Variants in CDH2 observed in about 807,000 individuals in gnomAD.
CDH2 encodes the protein cadherin-2.
Under a neutral mutation model 92.0 loss-of-function variants are expected in CDH2, and 17 were observed. The ratio of observed to expected loss-of-function variants is 0.18; its 90% CI spans 0.13 to 0.28. CDH2 has a LOEUF of 0.28. Ranked by LOEUF, CDH2 falls within the 10% of genes least tolerant of loss-of-function variation. CDH2 has a pLI of 1.00. For missense variants in CDH2, 862 were observed against 1,133.1 expected, an observed-to-expected ratio of 0.76 and a Z score of 3.44; for synonymous variants, 419 against 415.9, an observed-to-expected ratio of 1.01 and a Z score of -0.09.
At chr18:28,145,932 G>C (rs1598506769) in intron 2 of CDH2, among the ~76,000 whole-genome samples, 1 of 151,936 alleles carries the variant, frequency 6.6e-6, no homozygotes, top group African/African-American at 2.4e-5. Context: ...CTGATGGCTA[G>C]AGCACAAAGT....
At chr18:28,096,387 G>T (rs1363799461) in intron 2 of CDH2, among the ~76,000 whole-genome samples, 1 of 150,420 alleles carries the variant, frequency 6.6e-6, no homozygotes, top group Non-Finnish European at 1.5e-5. Flanking sequence ...GCCATTTTAT[G>T]GCTGCCAAGG....
chr18:27,991,028 C>T (rs2012398871), intron 9 of CDH2, among the ~76,000 whole-genome samples: 1 of 152,142 alleles, frequency 6.6e-6, no homozygotes, highest in Middle Eastern at 3.4e-3. Context: ...TGTAAAACCC[C>T]CAAATTTAAG....
intron 2 of CDH2, among the ~76,000 whole-genome samples, chr18:28,038,292 G>A (rs955020828): frequency 8.6e-5 from 13 of 152,036 alleles, no homozygotes; most frequent in South Asian, 6.2e-4. Flanking sequence ...GCATGGTGGC[G>A]CACACCTGTA....
intron 7 of CDH2, among the ~76,000 whole-genome samples, chr18:28,000,477 T>C: frequency 6.6e-6 from 1 of 152,158 alleles, no homozygotes; most frequent in East Asian, 1.9e-4. Context: ...TCCCCATTTA[T>C]GGATGCAGGA....
chr18:27,960,027 C>CAT (rs2011358575), intron 15 of CDH2, among the ~76,000 whole-genome samples: 1 of 151,188 alleles, frequency 6.6e-6, no homozygotes, highest in African/African-American at 2.4e-5. Context: ...AAAACACACA[C>CAT]ACACACACAC....
chr18:28,094,719 G>A (rs533121591), intron 2 of CDH2, among the ~76,000 whole-genome samples: 24 of 148,332 alleles, frequency 1.6e-4, no homozygotes, highest in South Asian at 1.5e-3. Context: ...GCGTGAACCC[G>A]GGAAGCGGAG....
At chr18:28,163,990 T>C (rs2016342890) in intron 1 of CDH2, among the ~76,000 whole-genome samples, 1 of 152,224 alleles carries the variant, frequency 6.6e-6, no homozygotes, top group Non-Finnish European at 1.5e-5. Context: ...TCTGTTTTCC[T>C]AACCAGGCTG....
intron 2 of CDH2, among the ~76,000 whole-genome samples, chr18:28,043,750 G>A (rs2144111750): frequency 6.6e-6 from 1 of 151,350 alleles, no homozygotes; most frequent in African/African-American, 2.4e-5. Context: ...GATTTTCTAA[G>A]GTCAAGAGTT....
chr18:28,061,800 A>T (rs2014408041), intron 2 of CDH2, among the ~76,000 whole-genome samples: 1 of 152,184 alleles, frequency 6.6e-6, no homozygotes, highest in African/African-American at 2.4e-5. Flanking sequence ...GGCAGGCAAG[A>T]TAGCATGTGC....
chr18:27,936,276 G>A (rs10469050), intron 6 of CDH2, among the ~76,000 whole-genome samples: 19,372 of 152,062 alleles, frequency 0.13, 1,556 homozygotes, highest in African/African-American at 0.23. Context: ...AAATAGACAA[G>A]CAGACATTGT....
chr18:28,062,851 G>T (rs558818017), intron 2 of CDH2, among the ~76,000 whole-genome samples: 1 of 152,064 alleles, frequency 6.6e-6, no homozygotes, highest in African/African-American at 2.4e-5. Context: ...CACATGCTTG[G>T]AGTCCCAGCT....
downstream of CDH2, among the ~76,000 whole-genome samples, chr18:27,947,867 TG>T (rs1223215503): frequency 6.6e-6 from 1 of 151,842 alleles, no homozygotes; most frequent in Non-Finnish European, 1.5e-5. Flanking sequence ...GCATTCCACA[TG>T]GTTGGGTTTA....
rs5823568 is a variant in CDH2, at chr18:27,955,761, G to GTTTTTTTTT, written c.2515-3411_2515-3403dup. 8.1e-5 allele frequency among the ~76,000 whole-genome samples: 9 copies of GTTTTTTTTT among 111,710 alleles called. 1 individual carries two copies. The highest frequency in any genetic ancestry group is 2.0e-4 in the Admixed American group (2 of 10,118). 73.3% of individuals were successfully genotyped at this position (111,710 alleles called of 152,430 possible). On this transcript the variant is annotated intron_variant, in intron 15 of 15. Coordinates refer to ENST00000269141, the MANE Select transcript of CDH2 (RefSeq NM_001792.5). ...ACAAATCTCTGTTTTCTTTATTTCT[G>GTTTTTTTTT]TTTTTTTTTTTTTTTTTTTAAAGAG...
At chr18:28,134,839 T>C (rs191207817) in intron 2 of CDH2, among the ~76,000 whole-genome samples, 1 of 151,972 alleles carries the variant, frequency 6.6e-6, no homozygotes, top group Non-Finnish European at 1.5e-5. Context: ...GATGGGAAAA[T>C]TGATGTGTAC....
chr18:27,940,574 GT>G (rs1342247559), intron 6 of CDH2, among the ~76,000 whole-genome samples: 1 of 152,144 alleles, frequency 6.6e-6, no homozygotes, highest in Non-Finnish European at 1.5e-5. Flanking sequence ...GAGGAGCCAT[GT>G]TTTTTCCACC....
At chr18:28,030,283 C>T (rs2013660106) in intron 2 of CDH2, among the ~76,000 whole-genome samples, 1 of 151,334 alleles carries the variant, frequency 6.6e-6, no homozygotes, top group Non-Finnish European at 1.5e-5. Flanking sequence ...AAAACACGCA[C>T]CTAAACAGGA....
intron 7 of CDH2, among the ~76,000 whole-genome samples, chr18:27,996,050 G>A (rs1002035615): frequency 8.5e-5 from 13 of 152,062 alleles, no homozygotes; most frequent in African/African-American, 3.1e-4. Flanking sequence ...AGGGGATTCT[G>A]CTTGAAAACT....
chr18:28,089,110 G>A (rs181100041), intron 2 of CDH2, among the ~76,000 whole-genome samples: 38 of 152,222 alleles, frequency 2.5e-4, no homozygotes, highest in Middle Eastern at 3.4e-3. Context: ...TCAAGAGTAC[G>A]TCTCCTTTAC....
At chr18:28,143,334 A>T (rs1282348977) in intron 2 of CDH2, among the ~76,000 whole-genome samples, 2 of 152,048 alleles carry the variant, frequency 1.3e-5, no homozygotes, top group Non-Finnish European at 2.9e-5. Context: ...ACTGCTAGTG[A>T]CAAAATGAAA....
Sources: gnomAD v4.1 joint callset for allele counts (sites outside exome capture counted in the v4.1 genomes callset) on GRCh38, gnomAD v4.1.1 for gene constraint, MANE v1.5 for transcripts, NCBI Gene and HGNC (gene_info 2026-07-23, HGNC 2026-07-21) for gene names.